The following ADD2 variants were observed in gnomAD, a reference collection of about 807,000 sequenced individuals.
ADD2 encodes beta-adducin.
Under a neutral mutation model 83.0 loss-of-function variants are expected in ADD2, and 23 were observed. That is an observed-to-expected ratio of 0.28 (90% CI 0.20 to 0.39). ADD2 has a LOEUF of 0.39. Among genes scored for constraint, ADD2 ranks in the 10% least tolerant of loss-of-function variants. The pLI is 1.00. For synonymous variants in ADD2, 375 were observed against 375.4 expected (o/e 1.00, Z 0.01); for missense variants, 758 against 944.9 (o/e 0.80, Z 2.59).
intron 1 of ADD2, among the ~76,000 whole-genome samples, chr2:70,728,483 A>G (rs868912104): frequency 5.9e-5 from 9 of 152,226 alleles, no homozygotes; most frequent in African/African-American, 2.2e-4. Flanking sequence ...TGCCAATACC[A>G]CTTGCCCTCC....
chr2:70,759,233 C>T (rs1674956494), intron 1 of ADD2, among the ~76,000 whole-genome samples: 1 of 152,184 alleles, frequency 6.6e-6, no homozygotes, highest in Admixed American at 6.5e-5. Flanking sequence ...CCTCCAGATC[C>T]TGCCCTGGAA....
At chr2:70,689,692 T>TC (rs1298828588) in intron 8 of ADD2, among the ~76,000 whole-genome samples, 9 of 152,184 alleles carry the variant, frequency 5.9e-5, no homozygotes, top group African/African-American at 2.2e-4. Context: ...GGCAGTGCAT[T>TC]CCTTGCCAGG....
intron 1 of ADD2, among the ~76,000 whole-genome samples, chr2:70,748,843 T>C (rs1020337795): frequency 1.3e-5 from 2 of 152,158 alleles, no homozygotes; most frequent in Admixed American, 6.6e-5. Context: ...TGAAATTAGC[T>C]TAGGAGTGCA....
At chr2:70,733,917 C>T (rs538155842) in intron 1 of ADD2, among the ~76,000 whole-genome samples, 1 of 152,282 alleles carries the variant, frequency 6.6e-6, no homozygotes, top group Admixed American at 6.5e-5. Flanking sequence ...CACACAAAAG[C>T]CCACCCCTAG....
At chr2:70,730,347 C>T (rs1673218370) in intron 1 of ADD2, among the ~76,000 whole-genome samples, 2 of 152,252 alleles carry the variant, frequency 1.3e-5, no homozygotes, top group South Asian at 2.1e-4. Flanking sequence ...ACCCCCTCCA[C>T]CCGTCATGGG....
intron 1 of ADD2, among the ~76,000 whole-genome samples, chr2:70,755,728 A>G (rs1553383706): frequency 6.6e-6 from 1 of 152,200 alleles, no homozygotes; most frequent in African/African-American, 2.4e-5. Context: ...ATAAAAATGA[A>G]CAGTGGGGCT....
At chr2:70,758,092 T>C (rs890288914) in intron 1 of ADD2, among the ~76,000 whole-genome samples, 1 of 152,220 alleles carries the variant, frequency 6.6e-6, no homozygotes, top group Admixed American at 6.5e-5. Context: ...CGGCAGGAAC[T>C]GTGAGGGATC....
At chr2:70,763,750 A>G (rs1329032056) in intron 1 of ADD2, among the ~76,000 whole-genome samples, 2 of 152,062 alleles carry the variant, frequency 1.3e-5, no homozygotes, top group East Asian at 3.9e-4. Flanking sequence ...ATTTATTCCT[A>G]TATTATTATA....
intron 9 of ADD2, among the ~76,000 whole-genome samples, chr2:70,684,368 C>T (rs1670611521): frequency 6.6e-6 from 1 of 152,220 alleles, no homozygotes; most frequent in African/African-American, 2.4e-5. Context: ...CCACCTCAGC[C>T]TCCTGAGTAG....
rs1363081007 is a variant in ADD2 at position 70,676,759 on chromosome 2, A to T, written c.1593+37T>A. On this transcript the variant is annotated intron_variant, in intron 13 of 15. Transcript: ENST00000264436. This position sits in a 1 kb window ranked among gnomAD's most constrained non-coding sequence, Gnocchi z 4.8. ...GGCACAGAAGACCCCGAAGGCAAAC[A>T]CGTTTCCCCGCCAGTCAGGGGCAGC... 1.2e-6 allele frequency: 2 copies of T among 1,613,628 alleles called. No homozygotes were observed. The highest frequency in any genetic ancestry group is 1.7e-6 in the Non-Finnish European group (2 of 1,179,852).
At chr2:70,672,537 A>G (rs1669936738) in intron 15 of ADD2, among the ~76,000 whole-genome samples, 1 of 152,238 alleles carries the variant, frequency 6.6e-6, no homozygotes, top group African/African-American at 2.4e-5. Context: ...TCAGTTTCAC[A>G]AGATCCCCAG....
intron 4 of ADD2, 107 bp from the exon 5 acceptor site, chr2:70,696,503 TC>T (rs1323768592): frequency 4.8e-6 from 7 of 1,444,436 alleles, no homozygotes; most frequent in Non-Finnish European, 6.6e-6. Context: ...ACAGGAGACT[TC>T]CCCAGGCAGG....
chr2:70,733,711 A>G, intron 1 of ADD2, among the ~76,000 whole-genome samples: 1 of 152,240 alleles, frequency 6.6e-6, no homozygotes, highest in South Asian at 2.1e-4. Flanking sequence ...AGAGGCAATG[A>G]GGCAGAAGGG....
At chr2:70,704,264 C>CCCCCCCCCCCCCCCCCCCCCACA in intron 4 of ADD2, 57 bp downstream of exon 4, 1 of 425,204 alleles carries the variant, frequency 2.4e-6, no homozygotes, top group Non-Finnish European at 4.8e-6. Flanking sequence ...TCCCTCTCTT[C>CCCCCCCCCCCCCCCCCCCCCACA]CCCACCCCAC....
At chr2:70,756,086 A>G (rs1259999290) in intron 1 of ADD2, among the ~76,000 whole-genome samples, 11 of 150,442 alleles carry the variant, frequency 7.3e-5, no homozygotes, top group Admixed American at 2.6e-4. Flanking sequence ...AAAAAAAAAA[A>G]AGAGAAAGAA....
rs1675610558 is a variant in ADD2 at position 70,663,353 on chromosome 2, G to A, written c.*72C>T. The A allele has an allele frequency of 2.0e-6, 3 of 1,484,722 alleles. No individual in the cohort carries two copies. The highest frequency in any genetic ancestry group is 2.8e-6 in the Non-Finnish European group (3 of 1,087,238). The allele number at this position is 1,484,722 out of a possible 1,614,324, so 92.0% of individuals were successfully genotyped here. A position where few individuals can be genotyped will look rare whatever the true frequency, so the allele number is the denominator to read the frequency against. On this transcript the variant is annotated 3_prime_UTR_variant, in exon 16 of 16. Transcript: ENST00000264436. Reference sequence around the variant, plus strand: ...TCTATCCCTCCTTAGCCCTGTGCTTGCAGGGACAGAGATGGGAGAAGGGAA... The same window carrying A: ...TCTATCCCTCCTTAGCCCTGTGCTTACAGGGACAGAGATGGGAGAAGGGAA...
At chr2:70,685,897 G>T (rs1670697163) in intron 9 of ADD2, among the ~76,000 whole-genome samples, 1 of 152,218 alleles carries the variant, frequency 6.6e-6, no homozygotes, top group African/African-American at 2.4e-5. Flanking sequence ...CCATCTGCCT[G>T]TCGGCAGAGC....
At chr2:70,737,715 A>G (rs1375186369) in intron 1 of ADD2, among the ~76,000 whole-genome samples, 1 of 152,168 alleles carries the variant, frequency 6.6e-6, no homozygotes, top group Non-Finnish European at 1.5e-5. Flanking sequence ...CCTAGAACTT[A>G]AAGTATAATA....
rs79548563 is a variant in ADD2, at chr2:70,678,097, C to T, written c.1384-220G>A. ...CAATGAAGGCCCTCAGGCCAAAGGT[C>T]GGCTATAAAGAACATCCAAGAGTTG... On this transcript the variant is annotated intron_variant, in intron 11 of 15. Coordinates refer to ENST00000264436, the MANE Select transcript of ADD2 (RefSeq NM_001617.4). Among the ~76,000 whole-genome samples the T allele has an allele frequency of 3.3e-5, 5 of 152,304 alleles. No homozygotes were observed. In the East Asian group the frequency reaches 5.8e-4, roughly 18 times the overall value.
Sources: allele counts gnomAD v4.1 joint callset (sites outside exome capture counted in the v4.1 genomes callset), GRCh38; gene constraint gnomAD v4.1.1; non-coding constraint Gnocchi (gnomAD v3.1); transcripts MANE v1.5; gene names NCBI Gene and HGNC (gene_info 2026-07-23, HGNC 2026-07-21).